Variants in ZNF385D observed in about 807,000 individuals in gnomAD.
ZNF385D encodes the protein zinc finger protein 659.
A neutral mutation model predicts 35.8 loss-of-function variants in ZNF385D; 15 were observed. The ratio of observed to expected loss-of-function variants is 0.42; its 90% CI spans 0.28 to 0.64. The LOEUF (loss-of-function observed/expected upper bound fraction) is 0.64. ZNF385D is among the 30% of genes least tolerant of loss of function. The pLI is 0.23. For missense variants in ZNF385D, 474 were observed against 494.6 expected, an observed-to-expected ratio of 0.96 and a Z score of 0.39; for synonymous variants, 212 against 186.8, an observed-to-expected ratio of 1.13 and a Z score of -1.10.
intron 3 of ZNF385D, among the ~76,000 whole-genome samples, chr3:21,879,212 T>C (rs1053497417): frequency 1.3e-5 from 2 of 152,024 alleles, no homozygotes; most frequent in African/African-American, 4.8e-5. Flanking sequence ...GTGTTTGTCA[T>C]GTTCTTTAAG....
At chr3:22,099,634 C>T (rs1389180837) in intron 3 of ZNF385D, among the ~76,000 whole-genome samples, 1 of 151,822 alleles carries the variant, frequency 6.6e-6, no homozygotes, top group Non-Finnish European at 1.5e-5. Context: ...CCTTGTGTGC[C>T]CACAGAGAAT....
At chr3:21,609,412 T>C (rs1224557538) in intron 2 of ZNF385D, among the ~76,000 whole-genome samples, 4 of 152,222 alleles carry the variant, frequency 2.6e-5, no homozygotes, top group Non-Finnish European at 5.9e-5. Flanking sequence ...AATAATCTAT[T>C]AGCAAGCCAA....
At chr3:22,119,983 T>A (rs1245988538) in intron 3 of ZNF385D, among the ~76,000 whole-genome samples, 1 of 104,384 alleles carries the variant, frequency 9.6e-6, no homozygotes, top group Admixed American at 1.2e-4. Context: ...TACTCAATTT[T>A]TTTTCTTTTT....
chr3:21,819,900 T>C (rs1180342246), intron 3 of ZNF385D, among the ~76,000 whole-genome samples: 1 of 149,272 alleles, frequency 6.7e-6, no homozygotes, highest in African/African-American at 2.4e-5. Context: ...TTCATATATT[T>C]ATATACAGAT....
intron 3 of ZNF385D, among the ~76,000 whole-genome samples, chr3:22,144,842 C>T (rs1223043945): frequency 6.6e-6 from 1 of 152,082 alleles, no homozygotes; most frequent in African/African-American, 2.4e-5. Flanking sequence ...AAATCAAAGG[C>T]TTAAAGATCA....
intron 2 of ZNF385D, among the ~76,000 whole-genome samples, chr3:22,214,567 T>A (rs1697737498): frequency 6.6e-6 from 1 of 152,002 alleles, no homozygotes; most frequent in Admixed American, 6.6e-5. Flanking sequence ...GGAACATTCC[T>A]GAGAAAGGGA....
chr3:22,014,941 A>G (rs12491005), intron 3 of ZNF385D, among the ~76,000 whole-genome samples: 8,144 of 152,236 alleles, frequency 0.053, 325 homozygotes, highest in East Asian at 0.18. Flanking sequence ...CAGCTCTTAC[A>G]AATATTTGAG....
At chr3:21,825,407 G>A (rs535679208) in intron 3 of ZNF385D, among the ~76,000 whole-genome samples, 3 of 152,046 alleles carry the variant, frequency 2.0e-5, no homozygotes, top group South Asian at 2.1e-4. Context: ...CCCTACATCA[G>A]TCAAATTGCT....
intron 3 of ZNF385D, among the ~76,000 whole-genome samples, chr3:21,992,351 A>C (rs1235590435): frequency 6.6e-6 from 1 of 152,138 alleles, no homozygotes; most frequent in Non-Finnish European, 1.5e-5. Context: ...TATCTATGTT[A>C]AACAAGATAG....
chr3:21,890,917 T>C (rs1698825237), intron 3 of ZNF385D, among the ~76,000 whole-genome samples: 2 of 152,206 alleles, frequency 1.3e-5, no homozygotes, highest in African/African-American at 4.8e-5. Context: ...ATTTTGTTTT[T>C]GGTCTCCAAC....
Position 22,102,224 on chromosome 3 carries a change from G to A in ZNF385D, c.325+66593C>T, listed in dbSNP as rs187265617. On this transcript the variant is annotated intron_variant, in intron 3 of 5. Transcript: ENST00000494108. ...TGGAGTACTTCTAACATTAGTCAAT[G>A]TTTTTTTGAGCACTTGCTATTTGCC... 1.4e-3 allele frequency among the ~76,000 whole-genome samples: 218 copies of A among 151,928 alleles called. 1 individual carries two copies. The highest frequency in any genetic ancestry group is 4.8e-3 in the African/African-American group (198 of 41,468).
chr3:22,207,832 C>T (rs2638127), intron 2 of ZNF385D, among the ~76,000 whole-genome samples: 92,974 of 151,652 alleles, frequency 0.61, 30,844 homozygotes, highest in African/African-American at 0.87. Flanking sequence ...CAAACAGTGC[C>T]CCATATCATT....
intron 7 of ZNF385D, among the ~76,000 whole-genome samples, chr3:21,422,356 T>C (rs1482904620): frequency 6.6e-6 from 1 of 152,206 alleles, no homozygotes; most frequent in East Asian, 1.9e-4. Flanking sequence ...AAAGTAACTT[T>C]ACTTTTTTAA....
intron 2 of ZNF385D, among the ~76,000 whole-genome samples, chr3:22,211,582 G>A (rs1697526745): frequency 6.6e-6 from 1 of 152,000 alleles, no homozygotes; most frequent in Admixed American, 6.6e-5. Context: ...AACTGTATGT[G>A]TTCTTCCTGT....
chr3:21,819,776 C>A (rs2073320378), intron 3 of ZNF385D, among the ~76,000 whole-genome samples: 1 of 47,100 alleles, frequency 2.1e-5, no homozygotes. Context: ...ATAATTAATA[C>A]ACATAAATAT....
intron 2 of ZNF385D, among the ~76,000 whole-genome samples, chr3:22,222,761 T>G (rs141033950): frequency 1.3e-5 from 2 of 152,318 alleles, no homozygotes; most frequent in East Asian, 1.9e-4. Flanking sequence ...AAAATGTGAA[T>G]TTTTATTATT....
At chr3:22,254,997 G>A (rs1279814575) in intron 2 of ZNF385D, among the ~76,000 whole-genome samples, 6 of 151,830 alleles carry the variant, frequency 4.0e-5, no homozygotes, top group African/African-American at 9.7e-5. Context: ...GATGGCACAC[G>A]ATTTCATCAC....
At chr3:21,815,465 G>C (rs949763149) in intron 3 of ZNF385D, among the ~76,000 whole-genome samples, 1 of 151,736 alleles carries the variant, frequency 6.6e-6, no homozygotes, top group East Asian at 1.9e-4. Context: ...AAAGAGAGAA[G>C]AATCAGACGC....
chr3:22,207,590 G>A (rs1697239151), intron 2 of ZNF385D, among the ~76,000 whole-genome samples: 1 of 151,894 alleles, frequency 6.6e-6, no homozygotes, highest in South Asian at 2.1e-4. Context: ...ATAGACAAAT[G>A]GGATGACATC....
Sources: allele counts gnomAD v4.1 joint callset (sites outside exome capture counted in the v4.1 genomes callset), GRCh38; gene constraint gnomAD v4.1.1; transcripts MANE v1.5; gene names NCBI Gene and HGNC (gene_info 2026-07-23, HGNC 2026-07-21).